Variants in TRPM3 observed in about 807,000 individuals in gnomAD.
TRPM3 encodes transient receptor potential cation channel subfamily M member 3.
A neutral mutation model predicts 181.2 loss-of-function variants in TRPM3; 77 were observed. The observed-to-expected ratio is 0.42, with a 90% CI of 0.35 to 0.51. The LOEUF is 0.51. TRPM3 is among the 20% of genes least tolerant of loss of function. The probability of loss-of-function intolerance (pLI) is 0.01; values close to 1 mark genes in which losing one functional copy is unlikely to be tolerated. For synonymous variants in TRPM3, 745 were observed against 796.4 expected, an observed-to-expected ratio of 0.94 and a Z score of 1.09; for missense variants, 1,759 against 2,196.7, an observed-to-expected ratio of 0.80 and a Z score of 3.98.
chr9:71,344,504 G>C (rs1044686893), intron 1 of TRPM3, among the ~76,000 whole-genome samples: 2 of 151,832 alleles, frequency 1.3e-5, no homozygotes, highest in African/African-American at 4.8e-5. Context: ...AAATCTACTA[G>C]GGAAAATGGA....
At chr9:71,366,130 T>C (rs1395843466) in intron 1 of TRPM3, among the ~76,000 whole-genome samples, 2 of 152,150 alleles carry the variant, frequency 1.3e-5, no homozygotes, top group Non-Finnish European at 2.9e-5. Flanking sequence ...GCTTAGCACA[T>C]AGTAACACTC....
In TRPM3 at chr9:71,437,864, GAA is replaced by G. The variant is rs35701065; in HGVS notation, c.183+8787_183+8788del. Among the ~76,000 whole-genome samples, 257 of 116,372 alleles carry G rather than the reference GAA, an allele frequency of 2.2e-3. 1 individual carries two copies. Among genetic ancestry groups the G allele is most frequent in the African/African-American group, 5.5e-3 (168 of 30,574 alleles). The allele number at this position is 116,372 out of a possible 152,430, so 76.3% of individuals were successfully genotyped here. A position where few individuals can be genotyped will look rare whatever the true frequency, so the allele number is the denominator to read the frequency against. On this transcript the variant is annotated intron_variant, in intron 1 of 24. Coordinates refer to the TRPM3 transcript ENST00000357533. The stretch of plus-strand genomic sequence containing the variant: ...GCCCGGGCAAAAGAGCGAAACTCCG[GAA>G]AAAAAAAAAAAAAAGAAAAAAAAAC...
chr9:70,635,699 C>A (rs1364983648), intron 11 of TRPM3, among the ~76,000 whole-genome samples: 1 of 151,716 alleles, frequency 6.6e-6, no homozygotes, highest in Non-Finnish European at 1.5e-5. Flanking sequence ...TGGCCTCAAG[C>A]AATCCTCCCA....
At chr9:71,391,760 T>C (rs2093068308) in intron 1 of TRPM3, among the ~76,000 whole-genome samples, 1 of 152,098 alleles carries the variant, frequency 6.6e-6, no homozygotes, top group Non-Finnish European at 1.5e-5. Flanking sequence ...TGGTTCAACC[T>C]AATGTTTTTT....
intron 1 of TRPM3, among the ~76,000 whole-genome samples, chr9:71,441,227 C>CT (rs142003806): frequency 0.056 from 8,393 of 148,746 alleles, 418 homozygotes; most frequent in East Asian, 0.29. Flanking sequence ...AGAAAATGGT[C>CT]TTTTTTTTTT....
At chr9:71,109,601 A>G (rs79748927) in intron 1 of TRPM3, among the ~76,000 whole-genome samples, 2,113 of 152,314 alleles carry the variant, frequency 0.014, 40 homozygotes, top group African/African-American at 0.048. Context: ...TATCTTGTCA[A>G]TAATCATTTT....
intron 6 of TRPM3, among the ~76,000 whole-genome samples, chr9:70,798,681 G>A (rs767380179): frequency 6.6e-6 from 1 of 152,072 alleles, no homozygotes; most frequent in Non-Finnish European, 1.5e-5. Context: ...AAATAAAAAG[G>A]TACAATGCTT....
At chr9:70,888,772 G>A (rs981919250) in intron 1 of TRPM3, among the ~76,000 whole-genome samples, 25 of 152,284 alleles carry the variant, frequency 1.6e-4, no homozygotes, top group Admixed American at 1.2e-3. Context: ...CCTTCAAGCC[G>A]ACTTTTGCCT....
chr9:71,308,253 T>C (rs2087567354), intron 1 of TRPM3, among the ~76,000 whole-genome samples: 1 of 152,150 alleles, frequency 6.6e-6, no homozygotes, highest in African/African-American at 2.4e-5. Context: ...AATACAAAAG[T>C]ATTTGATCAT....
At chr9:71,420,582 GA>G in intron 1 of TRPM3, among the ~76,000 whole-genome samples, 1 of 124,330 alleles carries the variant, frequency 8.0e-6, no homozygotes, top group South Asian at 2.5e-4. Flanking sequence ...AAGAGAAAGA[GA>G]AAGAAAAAGA....
At chr9:71,339,000 T>C (rs2090768976) in intron 1 of TRPM3, among the ~76,000 whole-genome samples, 1 of 152,238 alleles carries the variant, frequency 6.6e-6, no homozygotes, top group African/African-American at 2.4e-5. Context: ...ATGGTTAAAA[T>C]GATAAAAGAA....
intron 1 of TRPM3, among the ~76,000 whole-genome samples, chr9:71,238,162 C>T (rs954638876): frequency 1.3e-5 from 2 of 152,100 alleles, no homozygotes; most frequent in Non-Finnish European, 2.9e-5. Flanking sequence ...AAAAACGCAG[C>T]ATTATTAAAT....
intron 1 of TRPM3, among the ~76,000 whole-genome samples, chr9:71,023,700 G>T (rs1451369357): frequency 1.4e-5 from 2 of 140,050 alleles, no homozygotes; most frequent in South Asian, 2.3e-4. Context: ...ATGATGCTGA[G>T]TAAAAAAAAA....
chr9:70,862,998 C>T lies in TRPM3; in HGVS notation c.372G>A (p.Lys124=). The T allele has an allele frequency of 6.2e-7, 1 of 1,613,678 alleles. No homozygotes were observed. Among genetic ancestry groups the T allele is most frequent in the Non-Finnish European group, 8.5e-7 (1 of 1,179,714 alleles). Residue 124 remains lysine (K), a synonymous_variant, in exon 3 of 26, where the codon AAG becomes AAA. Coordinates refer to ENST00000677713, the MANE Select transcript of TRPM3 (RefSeq NM_001366145.2). The stretch of plus-strand genomic sequence containing the variant: ...GTTGAGTGTGTTTGCTGATGGACCA[C>T]TTTTCAGACTGGATGTCATTTCGGG... ...RLSRNDIQSE[K]WSISKHTQLS...
chr9:71,060,737 C>T (rs1353382634), intron 1 of TRPM3, among the ~76,000 whole-genome samples: 1 of 152,092 alleles, frequency 6.6e-6, no homozygotes, highest in African/African-American at 2.4e-5. Flanking sequence ...TTTGTCAAAG[C>T]ATTGACAGTA....
At chr9:70,930,072 C>T (rs1468085828) in intron 1 of TRPM3, among the ~76,000 whole-genome samples, 4 of 152,076 alleles carry the variant, frequency 2.6e-5, no homozygotes, top group South Asian at 2.1e-4. Context: ...TAGTGGAGTT[C>T]GGGTGCAAGG....
At chr9:70,982,816 T>C (rs778389855) in intron 1 of TRPM3, among the ~76,000 whole-genome samples, 19 of 152,180 alleles carry the variant, frequency 1.2e-4, no homozygotes, top group Non-Finnish European at 2.6e-4. Context: ...TTCTTGTGCC[T>C]CAGCCTCCTG....
intron 1 of TRPM3, among the ~76,000 whole-genome samples, chr9:71,313,935 T>G (rs2088276286): frequency 6.6e-6 from 1 of 152,124 alleles, no homozygotes; most frequent in South Asian, 2.1e-4. Context: ...TTGTTTAGAA[T>G]TTTTTTGCAT....
At chr9:70,751,295 T>G (rs903906699) in intron 8 of TRPM3, among the ~76,000 whole-genome samples, 1 of 152,036 alleles carries the variant, frequency 6.6e-6, no homozygotes. Context: ...TAATATCAGA[T>G]GAAATGAAAT....
Sources: gnomAD v4.1 joint callset for allele counts (sites outside exome capture counted in the v4.1 genomes callset) on GRCh38, gnomAD v4.1.1 for gene constraint, MANE v1.5 for transcripts, NCBI Gene and HGNC (gene_info 2026-07-23, HGNC 2026-07-21) for gene names.